SLC13A3: variants seen among roughly 807,000 people sequenced by gnomAD.
SLC13A3 encodes the protein solute carrier family 13 member 3.
In SLC13A3, 40 loss-of-function variants were observed where a neutral mutation model predicts 59.0. That is an observed-to-expected ratio of 0.68 (90% CI 0.53 to 0.88). The LOEUF (loss-of-function observed/expected upper bound fraction) is 0.88. Among genes scored for constraint, SLC13A3 ranks in the 40% least tolerant of loss-of-function variants. The probability of loss-of-function intolerance (pLI) is 0.00; values close to 1 mark genes in which losing one functional copy is unlikely to be tolerated. For missense variants in SLC13A3, 699 were observed against 783.2 expected (o/e 0.89, Z 1.28); for synonymous variants, 317 against 330.3 (o/e 0.96, Z 0.44).
chr20:46,567,902 C>T (rs17388585), intron 10 of SLC13A3, among the ~76,000 whole-genome samples: 18,067 of 152,160 alleles, frequency 0.12, 1,142 homozygotes, highest in Non-Finnish European at 0.14. Context: ...TTTGCTTAGA[C>T]CTAGAACAAA....
At chr20:46,648,306 G>A (rs1039380522) in intron 1 of SLC13A3, among the ~76,000 whole-genome samples, 2 of 151,992 alleles carry the variant, frequency 1.3e-5, no homozygotes, top group Admixed American at 1.3e-4. Context: ...GTTTTCTAAG[G>A]ATACTTCTTA....
intron 3 of SLC13A3, among the ~76,000 whole-genome samples, chr20:46,604,674 T>C (rs2062419088): frequency 6.6e-6 from 1 of 152,074 alleles, no homozygotes; most frequent in Admixed American, 6.5e-5. Context: ...GAGCTGGCCC[T>C]GTTGACCCCC....
At chr20:46,589,056 T>C (rs2062225090) in intron 7 of SLC13A3, 104 bp downstream of exon 7, 1 of 957,860 alleles carries the variant, frequency 1.0e-6, no homozygotes, top group Admixed American at 2.3e-5. Context: ...GGTCCTGGAA[T>C]TCCCCTGGAG....
intron 1 of SLC13A3, among the ~76,000 whole-genome samples, chr20:46,656,855 C>A (rs1242565939): frequency 6.6e-6 from 1 of 152,000 alleles, no homozygotes; most frequent in Non-Finnish European, 1.5e-5. Flanking sequence ...TCCATTGTTC[C>A]ATGTCCCGGT....
chr20:46,577,792 A>G (rs564634726), intron 9 of SLC13A3, among the ~76,000 whole-genome samples: 16 of 152,290 alleles, frequency 1.1e-4, no homozygotes, highest in African/African-American at 3.9e-4. Context: ...TTTGAACTAG[A>G]CTTGAATCCT....
chr20:46,589,033 C>A, intron 7 of SLC13A3, 127 bp downstream of exon 7: 1 of 777,728 alleles, frequency 1.3e-6, no homozygotes. Context: ...CATCTCTAGG[C>A]TCCCACGCCA....
intron 1 of SLC13A3, among the ~76,000 whole-genome samples, chr20:46,621,321 T>C (rs1305678855): frequency 1.3e-5 from 2 of 152,346 alleles, no homozygotes; most frequent in African/African-American, 4.8e-5. Context: ...TGGTTTCTTC[T>C]GACTTCTTTT....
At chr20:46,669,203 A>C (rs1203409914) in intron 1 of SLC13A3, among the ~76,000 whole-genome samples, 1 of 152,182 alleles carries the variant, frequency 6.6e-6, no homozygotes, top group Admixed American at 6.5e-5. Context: ...TGAGTGAAGG[A>C]ATATAACACA....
intron 1 of SLC13A3, among the ~76,000 whole-genome samples, chr20:46,679,792 C>T (rs2063145340): frequency 6.6e-6 from 1 of 152,006 alleles, no homozygotes; most frequent in Non-Finnish European, 1.5e-5. Flanking sequence ...CCTGTGATCC[C>T]AGCTACTGGG....
chr20:46,672,132 G>T (rs904544170), upstream of SLC13A3, among the ~76,000 whole-genome samples: 2 of 152,232 alleles, frequency 1.3e-5, no homozygotes, highest in African/African-American at 4.8e-5. Flanking sequence ...GGAAAGCGTG[G>T]CTTTGAGCTT....
chr20:46,567,363 C>T (rs962298316), intron 10 of SLC13A3, among the ~76,000 whole-genome samples: 1 of 152,126 alleles, frequency 6.6e-6, no homozygotes, highest in Non-Finnish European at 1.5e-5. Flanking sequence ...TCCTTGACTC[C>T]TCCCAACCAT....
chr20:46,579,455 A>T (rs962308994), intron 9 of SLC13A3, among the ~76,000 whole-genome samples: 2 of 152,156 alleles, frequency 1.3e-5, no homozygotes, highest in Non-Finnish European at 2.9e-5. Context: ...GGGTGACCTT[A>T]AACAAGTCAC....
intron 4 of SLC13A3, 29 bp from the exon 5 acceptor site, chr20:46,596,371 C>G: frequency 6.2e-7 from 1 of 1,606,388 alleles, no homozygotes; most frequent in East Asian, 2.2e-5. Context: ...AGAAGCCATT[C>G]AGAATACATG....
intron 6 of SLC13A3, among the ~76,000 whole-genome samples, chr20:46,591,046 T>C (rs1479094927): frequency 6.6e-6 from 1 of 150,926 alleles, no homozygotes; most frequent in Non-Finnish European, 1.5e-5. Context: ...GGCAAGAGCC[T>C]GTAGTCCCAG....
chr20:46,563,433 T>C lies in SLC13A3; in HGVS notation c.1613A>G (p.His538Arg). 2 of 1,613,816 alleles carry C rather than the reference T, an allele frequency of 1.2e-6. No individual in the cohort carries two copies. Among genetic ancestry groups the C allele is most frequent in the Non-Finnish European group, 1.7e-6 (2 of 1,179,924 alleles). The change falls in exon 12 of 13, where the codon CAC becomes CGC. Residue 538 changes from histidine (H) to arginine (R), a missense_variant. By Grantham distance (29) the His-to-Arg change is conservative (BLOSUM62 0). Transcript: ENST00000279027. ...PPNSIAFASG[H>R]LLVKDMVRTG... ...ACTCACCATGTCTTTGACCAGCAAG[T>C]GTCCAGAGGCGAAGGCGATGGAGTT...
intron 5 of SLC13A3, among the ~76,000 whole-genome samples, chr20:46,592,749 C>G (rs2062272897): frequency 6.6e-6 from 1 of 152,116 alleles, no homozygotes; most frequent in Admixed American, 6.5e-5. Flanking sequence ...AATGGGTGCC[C>G]TACAGTCAAA....
At chr20:46,662,327 C>T (rs1006619233) in intron 1 of SLC13A3, among the ~76,000 whole-genome samples, 1 of 152,152 alleles carries the variant, frequency 6.6e-6, no homozygotes, top group Non-Finnish European at 1.5e-5. Context: ...AGAAGTGGAA[C>T]TCTTTCCAAA....
intron 1 of SLC13A3, among the ~76,000 whole-genome samples, chr20:46,665,572 G>A (rs1183671940): frequency 1.3e-5 from 2 of 152,136 alleles, no homozygotes; most frequent in Non-Finnish European, 2.9e-5. Context: ...AGCACGCATT[G>A]GTACTACATT....
chr20:46,625,672 GT>G (rs1259873150), intron 1 of SLC13A3, among the ~76,000 whole-genome samples: 1 of 152,142 alleles, frequency 6.6e-6, no homozygotes, highest in Non-Finnish European at 1.5e-5. Context: ...CTATAGATTG[GT>G]TTTTGCCTGT....
Sources: allele counts gnomAD v4.1 joint callset (sites outside exome capture counted in the v4.1 genomes callset), GRCh38; gene constraint gnomAD v4.1.1; transcripts MANE v1.5; gene names NCBI Gene and HGNC (gene_info 2026-07-23, HGNC 2026-07-21).